EPHA3: variants seen among roughly 807,000 people sequenced by gnomAD.
The protein encoded by EPHA3 is ephrin type-A receptor 3.
EPHA3 carries 42 observed loss-of-function variants against 107.1 expected under a neutral mutation model. The observed-to-expected ratio is 0.39, with a 90% CI of 0.31 to 0.51. The LOEUF (loss-of-function observed/expected upper bound fraction) is 0.51. EPHA3 is among the 20% of genes least tolerant of loss of function. The probability of loss-of-function intolerance (pLI) is 0.78; values close to 1 mark genes in which losing one functional copy is unlikely to be tolerated. For missense variants in EPHA3, 1,183 were observed against 1,211.2 expected (o/e 0.98, Z 0.35); for synonymous variants, 461 against 424.8 (o/e 1.09, Z -1.05).
intron 1 of EPHA3, among the ~76,000 whole-genome samples, chr3:89,122,484 T>C (rs1278058631): frequency 6.6e-6 from 1 of 152,234 alleles, no homozygotes; most frequent in Non-Finnish European, 1.5e-5. Context: ...AATGCAACTA[T>C]AGCCTTACCA....
chr3:89,310,919 T>G (rs1163945069), intron 3 of EPHA3, among the ~76,000 whole-genome samples: 2 of 152,030 alleles, frequency 1.3e-5, no homozygotes, highest in Admixed American at 1.3e-4. Context: ...AGTGATTTGT[T>G]GCACAGTCTT....
chr3:89,196,920 C>T (rs1705849485), intron 2 of EPHA3, among the ~76,000 whole-genome samples: 1 of 152,232 alleles, frequency 6.6e-6, no homozygotes, highest in Non-Finnish European at 1.5e-5. Flanking sequence ...CCTATTTCCA[C>T]CAATGCTATC....
At chr3:89,340,043 T>C (rs2107415371) in intron 3 of EPHA3, among the ~76,000 whole-genome samples, 1 of 152,348 alleles carries the variant, frequency 6.6e-6, no homozygotes, top group South Asian at 2.1e-4. Flanking sequence ...GCATTTTGAA[T>C]TTTCTATCAG....
chr3:89,186,859 C>T (rs1705579328), intron 2 of EPHA3, among the ~76,000 whole-genome samples: 1 of 152,016 alleles, frequency 6.6e-6, no homozygotes, highest in Non-Finnish European at 1.5e-5. Context: ...ATACGTTATG[C>T]ACCTGTTGAT....
chr3:89,372,437 AGC>A (rs1708326228), intron 5 of EPHA3, among the ~76,000 whole-genome samples: 1 of 151,624 alleles, frequency 6.6e-6, no homozygotes, highest in Admixed American at 6.6e-5. Flanking sequence ...ATTCATATAT[AGC>A]ACAGACTTTT....
chr3:89,479,239 A>G (rs1328430420), intron 16 of EPHA3, among the ~76,000 whole-genome samples, 158 bp from the exon 17 acceptor site: 3 of 152,196 alleles, frequency 2.0e-5, no homozygotes, highest in Non-Finnish European at 4.4e-5. Context: ...CTTCTACAAG[A>G]TGGTGGAACG....
intron 15 of EPHA3, among the ~76,000 whole-genome samples, chr3:89,459,608 C>T (rs1312359121): frequency 3.3e-5 from 5 of 151,910 alleles, no homozygotes; most frequent in African/African-American, 7.3e-5. Context: ...TGCCATCCTC[C>T]GCCTCCTGGG....
At chr3:89,315,893 TA>T (rs1300583009) in intron 3 of EPHA3, among the ~76,000 whole-genome samples, 1 of 151,880 alleles carries the variant, frequency 6.6e-6, no homozygotes, top group Admixed American at 6.6e-5. Context: ...GAATCATCTC[TA>T]AAGTATTATA....
intron 3 of EPHA3, among the ~76,000 whole-genome samples, chr3:89,308,039 C>T (rs1706668358): frequency 1.3e-5 from 2 of 151,948 alleles, no homozygotes; most frequent in Non-Finnish European, 1.5e-5. Flanking sequence ...ATAGTGATTG[C>T]CTGAATCATC....
Position 89,404,218 on chromosome 3 carries a change from A to G in EPHA3, c.1595-3051A>G, listed in dbSNP as rs561645343. Among the ~76,000 whole-genome samples the G allele has an allele frequency of 2.6e-5, 4 of 152,322 alleles. 1 individual carries two copies. In the East Asian group the frequency reaches 7.7e-4, roughly 29 times the overall value. On this transcript the variant is annotated intron_variant, in intron 7 of 16. Transcript: ENST00000336596. ...AATCATTAAATGGAGAAATTTCTAT[A>G]TAAAAATTAGGCATTCATCATCTAT...
intron 5 of EPHA3, among the ~76,000 whole-genome samples, chr3:89,384,311 T>G (rs1051994916): frequency 6.6e-6 from 1 of 152,102 alleles, no homozygotes; most frequent in African/African-American, 2.4e-5. Context: ...TAAAATTCCA[T>G]CAAAGTTAAT....
intron 3 of EPHA3, among the ~76,000 whole-genome samples, chr3:89,281,764 AT>A (rs1171084440): frequency 2.6e-5 from 4 of 152,164 alleles, no homozygotes; most frequent in African/African-American, 9.7e-5. Context: ...TCTGCAACAA[AT>A]CTTGTGTCCC....
chr3:89,223,108 G>A (rs1704418718), intron 3 of EPHA3, among the ~76,000 whole-genome samples: 1 of 151,920 alleles, frequency 6.6e-6, no homozygotes, highest in African/African-American at 2.4e-5. Context: ...AATTACCAGG[G>A]GCTTTCATTG....
intron 2 of EPHA3, among the ~76,000 whole-genome samples, chr3:89,204,287 GTGGTT>G: frequency 6.6e-6 from 1 of 152,228 alleles, no homozygotes; most frequent in Middle Eastern, 3.4e-3. Flanking sequence ...GGGGCTAAAG[GTGGTT>G]GGGTATGAAT....
chr3:89,442,030 TA>T (rs1157080981), intron 13 of EPHA3, among the ~76,000 whole-genome samples: 1 of 152,172 alleles, frequency 6.6e-6, no homozygotes, highest in Non-Finnish European at 1.5e-5. Flanking sequence ...TGTATCTTAC[TA>T]AAATGCTTGG....
At chr3:89,260,710 G>T (rs541081072) in intron 3 of EPHA3, among the ~76,000 whole-genome samples, 1 of 152,136 alleles carries the variant, frequency 6.6e-6, no homozygotes, top group South Asian at 2.1e-4. Context: ...TTTACCTAAA[G>T]CTTTAACAAC....
intron 15 of EPHA3, among the ~76,000 whole-genome samples, chr3:89,460,897 A>G (rs1371221177): frequency 1.6e-5 from 2 of 127,442 alleles, no homozygotes; most frequent in East Asian, 4.3e-4. Flanking sequence ...ACATATGTAT[A>G]CATGTGCCAT....
chr3:89,239,695 GA>G (rs1262032716), intron 3 of EPHA3, among the ~76,000 whole-genome samples: 2 of 152,034 alleles, frequency 1.3e-5, no homozygotes, highest in Non-Finnish European at 2.9e-5. Context: ...ATGACCTTTT[GA>G]AAAGAACATA....
At chr3:89,350,250 ACAC>A (rs1707777267) in intron 5 of EPHA3, among the ~76,000 whole-genome samples, 1 of 150,260 alleles carries the variant, frequency 6.7e-6, no homozygotes, top group Non-Finnish European at 1.5e-5. Context: ...ACTTTCAGGT[ACAC>A]CAATCAGACG....
Sources: gnomAD v4.1 joint callset for allele counts (sites outside exome capture counted in the v4.1 genomes callset) on GRCh38, gnomAD v4.1.1 for gene constraint, MANE v1.5 for transcripts, NCBI Gene and HGNC (gene_info 2026-07-23, HGNC 2026-07-21) for gene names.